The following TMEM108 variants were observed in gnomAD, a reference collection of about 807,000 sequenced individuals.
TMEM108 encodes the protein transmembrane protein 108, also known as cancer/testis antigen 124.
A neutral mutation model predicts 35.1 loss-of-function variants in TMEM108; 12 were observed. That is an observed-to-expected ratio of 0.34 (90% CI 0.22 to 0.55). The LOEUF (loss-of-function observed/expected upper bound fraction) is 0.55, where lower values mean the gene tolerates loss of function less well. TMEM108 is among the 20% of genes least tolerant of loss of function. The probability of loss-of-function intolerance (pLI) is 0.89; values close to 1 mark genes in which losing one functional copy is unlikely to be tolerated. For synonymous variants in TMEM108, 287 were observed against 308.6 expected (o/e 0.93, Z 0.73); for missense variants, 680 against 753.3 (o/e 0.90, Z 1.14).
intron 4 of TMEM108, chr3:133,388,434 C>G: frequency 7.1e-6 from 7 of 985,444 alleles, no homozygotes; most frequent in Non-Finnish European, 8.4e-6. Context: ...ACCACAGCCC[C>G]CTCCTTGCCC....
chr3:133,371,140 C>T (rs995616256), intron 3 of TMEM108, among the ~76,000 whole-genome samples: 1 of 152,162 alleles, frequency 6.6e-6, no homozygotes, highest in East Asian at 1.9e-4. Flanking sequence ...TGTCTCAATC[C>T]AGAGTGGTCA....
intron 3 of TMEM108, among the ~76,000 whole-genome samples, chr3:133,281,846 A>T (rs1946917281): frequency 6.6e-6 from 1 of 152,142 alleles, no homozygotes; most frequent in Admixed American, 6.5e-5. Flanking sequence ...CCAGCACATG[A>T]TGGCTTATCC....
intron 2 of TMEM108, among the ~76,000 whole-genome samples, chr3:133,219,918 C>G (rs1184133439): frequency 1.3e-5 from 2 of 152,052 alleles, no homozygotes. Context: ...AAAGTGGAGC[C>G]TTGAAGTCCC....
intron 3 of TMEM108, among the ~76,000 whole-genome samples, chr3:133,274,882 A>G (rs1020438649): frequency 1.3e-5 from 2 of 152,226 alleles, no homozygotes; most frequent in Admixed American, 6.5e-5. Flanking sequence ...AGCCATTGCC[A>G]GCAGAGCTGA....
In TMEM108 at chr3:133,246,085, T is replaced by C. The variant is rs561022089; in HGVS notation, c.40+16734T>C. On this transcript the variant is annotated intron_variant, in intron 3 of 5. Coordinates refer to ENST00000321871, the MANE Select transcript of TMEM108 (RefSeq NM_023943.4). ...TTCATAAAACTTACGATTGGAAAAG[T>C]AGACTTACATACTTAAAATGTTTCT... 3 of 152,332 alleles carry C rather than the reference T, an allele frequency of 2.0e-5. No individual in the cohort carries two copies. In the South Asian group the frequency reaches 6.2e-4, roughly 32 times the overall value. The allele number at this position is 152,332 out of a possible 1,614,324, so 9.4% of individuals were successfully genotyped here. A position where few individuals can be genotyped will look rare whatever the true frequency, so the allele number is the denominator to read the frequency against.
intron 4 of TMEM108, among the ~76,000 whole-genome samples, chr3:133,386,193 G>A (rs564693231): frequency 5.3e-5 from 8 of 152,306 alleles, no homozygotes; most frequent in African/African-American, 1.2e-4. Context: ...CTGCAACCTC[G>A]AAGACTTGTA....
chr3:133,094,928 T>C (rs1943994366), intron 2 of TMEM108, among the ~76,000 whole-genome samples: 1 of 152,220 alleles, frequency 6.6e-6, no homozygotes, highest in African/African-American at 2.4e-5. Context: ...CAATGCCTGG[T>C]ATATTTGTTG....
Position 133,299,613 on chromosome 3 carries a change from C to T in TMEM108, c.40+70262C>T, listed in dbSNP as rs1472892971. 2.0e-5 allele frequency among the ~76,000 whole-genome samples: 3 copies of T among 152,294 alleles called. No individual in the cohort carries two copies. In the East Asian group the frequency reaches 5.8e-4, roughly 29 times the overall value. Reference sequence around the variant, plus strand: ...TGTTGGGCCAAAATTGTCACAGGTCCTGATATCTCACAGGGCATTTCTTTA... The same window carrying T: ...TGTTGGGCCAAAATTGTCACAGGTCTTGATATCTCACAGGGCATTTCTTTA... On this transcript the variant is annotated intron_variant, in intron 3 of 5. Transcript: ENST00000321871.
At chr3:133,137,110 GTC>G (rs1310837232) in intron 2 of TMEM108, among the ~76,000 whole-genome samples, 1 of 152,198 alleles carries the variant, frequency 6.6e-6, no homozygotes, top group African/African-American at 2.4e-5. Flanking sequence ...ACTAGCACCT[GTC>G]TCTGGTTGGC....
intron 3 of TMEM108, among the ~76,000 whole-genome samples, chr3:133,245,806 T>C (rs1409045567): frequency 3.3e-5 from 5 of 152,204 alleles, no homozygotes; most frequent in Admixed American, 2.6e-4. Context: ...AAGGCACATA[T>C]GTAATTTCAA....
intron 2 of TMEM108, among the ~76,000 whole-genome samples, chr3:133,147,607 A>G (rs1396506253): frequency 6.6e-6 from 1 of 152,074 alleles, no homozygotes; most frequent in Admixed American, 6.6e-5. Flanking sequence ...TGTAGTAAAA[A>G]TATTGGCAAC....
intron 2 of TMEM108, among the ~76,000 whole-genome samples, chr3:133,204,360 T>A (rs1440622355): frequency 2.6e-5 from 4 of 152,162 alleles, no homozygotes; most frequent in Non-Finnish European, 5.9e-5. Context: ...ATTTGTTTGC[T>A]GTTGCTTCTC....
At chr3:133,147,580 G>T (rs1163666762) in intron 2 of TMEM108, among the ~76,000 whole-genome samples, 1 of 152,048 alleles carries the variant, frequency 6.6e-6, no homozygotes, top group Non-Finnish European at 1.5e-5. Flanking sequence ...TTTTAATGGG[G>T]TTGTTTGTTT....
intron 3 of TMEM108, among the ~76,000 whole-genome samples, chr3:133,355,789 T>A (rs1454833540): frequency 6.6e-6 from 1 of 152,176 alleles, no homozygotes; most frequent in African/African-American, 2.4e-5. Context: ...GATAAACTGG[T>A]TAGATAAGTC....
At chr3:133,327,812 A>T (rs1351072157) in intron 3 of TMEM108, among the ~76,000 whole-genome samples, 1 of 152,044 alleles carries the variant, frequency 6.6e-6, no homozygotes, top group Non-Finnish European at 1.5e-5. Context: ...GCAAAGACAA[A>T]AGAAGAGTCA....
chr3:133,332,109 CACACACTT>C (rs2071402923), intron 3 of TMEM108, among the ~76,000 whole-genome samples: 1 of 149,724 alleles, frequency 6.7e-6, no homozygotes, highest in Non-Finnish European at 1.5e-5. Context: ...CACACACACA[CACACACTT>C]ACCTAGACAC....
At chr3:133,127,606 A>G (rs993477519) in intron 2 of TMEM108, among the ~76,000 whole-genome samples, 1 of 152,302 alleles carries the variant, frequency 6.6e-6, no homozygotes, top group East Asian at 1.9e-4. Context: ...TCTCCCCAAT[A>G]GATAAAATCA....
intron 2 of TMEM108, among the ~76,000 whole-genome samples, chr3:133,224,589 G>C (rs1007148809): frequency 1.3e-5 from 2 of 152,090 alleles, no homozygotes; most frequent in Non-Finnish European, 2.9e-5. Flanking sequence ...CATGAGATCC[G>C]ATGGTTTTAT....
intron 3 of TMEM108, among the ~76,000 whole-genome samples, chr3:133,279,866 T>G (rs559142091): frequency 5.3e-5 from 8 of 152,256 alleles, no homozygotes; most frequent in African/African-American, 1.4e-4. Flanking sequence ...ACAGAATGAC[T>G]CCAGGATACA....
Sources: gnomAD v4.1 joint callset for allele counts (sites outside exome capture counted in the v4.1 genomes callset) on GRCh38, gnomAD v4.1.1 for gene constraint, MANE v1.5 for transcripts, NCBI Gene and HGNC (gene_info 2026-07-23, HGNC 2026-07-21) for gene names.